ST6GALNAC3: variants seen among roughly 807,000 people sequenced by gnomAD.
ST6GALNAC3 encodes the protein ST6 N-acetylgalactosaminide alpha-2,6-sialyltransferase 3.
A neutral mutation model predicts 32.7 loss-of-function variants in ST6GALNAC3; 25 were observed. The ratio of observed to expected loss-of-function variants is 0.76; its 90% CI spans 0.56 to 1.07. The LOEUF is 1.07. Ranked by LOEUF, ST6GALNAC3 falls within the 50% of genes least tolerant of loss-of-function variation. ST6GALNAC3 has a pLI of 0.00. For missense variants in ST6GALNAC3, 355 were observed against 382.4 expected (o/e 0.93, Z 0.60); for synonymous variants, 129 against 133.1 (o/e 0.97, Z 0.21).
intron 3 of ST6GALNAC3, among the ~76,000 whole-genome samples, chr1:76,418,354 G>T (rs528074297): frequency 1.3e-5 from 2 of 152,176 alleles, no homozygotes; most frequent in East Asian, 3.9e-4. Context: ...CAAGGAAGCC[G>T]CCTTAACACA....
At chr1:76,083,803 G>A (rs987355856) in intron 1 of ST6GALNAC3, among the ~76,000 whole-genome samples, 2 of 151,918 alleles carry the variant, frequency 1.3e-5, no homozygotes, top group East Asian at 1.9e-4. Flanking sequence ...TTAAAACTCG[G>A]TGTACGTTTT....
chr1:76,614,491 G>A (rs1471905349), intron 3 of ST6GALNAC3, among the ~76,000 whole-genome samples: 1 of 151,830 alleles, frequency 6.6e-6, no homozygotes, highest in African/African-American at 2.4e-5. Flanking sequence ...AGGCCGAGGC[G>A]GGCAGATCAC....
chr1:76,157,665 T>C (rs1651544688), intron 1 of ST6GALNAC3, among the ~76,000 whole-genome samples: 1 of 152,208 alleles, frequency 6.6e-6, no homozygotes, highest in East Asian at 1.9e-4. Context: ...TTTTAAAGTT[T>C]ATATATGTTA....
chr1:76,439,172 C>G (rs908183422), intron 3 of ST6GALNAC3, among the ~76,000 whole-genome samples: 3 of 152,120 alleles, frequency 2.0e-5, no homozygotes, highest in Admixed American at 2.0e-4. Context: ...GACTCTCTAC[C>G]TAAACTGTTG....
intron 2 of ST6GALNAC3, among the ~76,000 whole-genome samples, chr1:76,348,924 A>G (rs533143792): frequency 2.4e-4 from 36 of 152,304 alleles, no homozygotes; most frequent in Middle Eastern, 3.4e-3. Context: ...CTCATAGTAC[A>G]TACTCAGTAA....
At chr1:76,112,549 C>T (rs1351841328) in intron 1 of ST6GALNAC3, among the ~76,000 whole-genome samples, 1 of 151,516 alleles carries the variant, frequency 6.6e-6, no homozygotes, top group East Asian at 2.0e-4. Flanking sequence ...GACGGGGTGG[C>T]TGCCGGGCGG....
intron 3 of ST6GALNAC3, among the ~76,000 whole-genome samples, chr1:76,626,612 T>TTCC (rs908357035): frequency 4.6e-5 from 7 of 152,052 alleles, no homozygotes; most frequent in African/African-American, 1.4e-4. Context: ...GTCCTTGCCC[T>TTCC]TCCCTCTTCC....
At chr1:76,249,750 G>A (rs899179956) in intron 1 of ST6GALNAC3, among the ~76,000 whole-genome samples, 3 of 152,146 alleles carry the variant, frequency 2.0e-5, no homozygotes, top group South Asian at 2.1e-4. Flanking sequence ...ACAATTTCTC[G>A]ACAGCCTTGT....
In ST6GALNAC3 at chr1:76,630,536, CA is replaced by C. The variant is rs887617957; in HGVS notation, c.*1734del. On this transcript the variant is annotated 3_prime_UTR_variant, in exon 5 of 5. Coordinates refer to ENST00000328299, the MANE Select transcript of ST6GALNAC3 (RefSeq NM_152996.4). ...CATCCTTGCAGAATGATTCAAAAGA[CA>C]AAAGCCAGGCTCAACTTATAGAATG... 36 of 985,092 alleles carry C rather than the reference CA, an allele frequency of 3.7e-5. No individual in the cohort carries two copies. In the African/African-American group the frequency reaches 6.1e-4, roughly 17 times the overall value. 61.0% of individuals were successfully genotyped at this position (985,092 alleles called of 1,614,324 possible). A position where few individuals can be genotyped will look rare whatever the true frequency, so the allele number is the denominator to read the frequency against.
chr1:76,229,981 A>G (rs1656280756), intron 1 of ST6GALNAC3, among the ~76,000 whole-genome samples: 1 of 152,326 alleles, frequency 6.6e-6, no homozygotes, highest in African/African-American at 2.4e-5. Context: ...TTCAAACATT[A>G]TCCTCAAAAG....
chr1:76,142,560 C>T (rs1650397405), intron 1 of ST6GALNAC3, among the ~76,000 whole-genome samples: 1 of 152,168 alleles, frequency 6.6e-6, no homozygotes, highest in East Asian at 1.9e-4. Flanking sequence ...CAGTGTGGCT[C>T]CTGACTGGGC....
chr1:76,327,335 T>G (rs970611216), intron 2 of ST6GALNAC3, among the ~76,000 whole-genome samples: 1 of 150,190 alleles, frequency 6.7e-6, no homozygotes, highest in Non-Finnish European at 1.5e-5. Flanking sequence ...TAGAGAGAGA[T>G]ATTGAGAAGG....
At chr1:76,534,753 T>G (rs543341027) in intron 3 of ST6GALNAC3, among the ~76,000 whole-genome samples, 1 of 152,336 alleles carries the variant, frequency 6.6e-6, no homozygotes, top group East Asian at 1.9e-4. Context: ...TTCATAACCA[T>G]ATCTCCAGTG....
At chr1:76,478,919 C>G (rs543755262) in intron 3 of ST6GALNAC3, among the ~76,000 whole-genome samples, 1 of 151,708 alleles carries the variant, frequency 6.6e-6, no homozygotes, top group African/African-American at 2.4e-5. Context: ...CCCGCCACCA[C>G]GCCCGGCTAA....
At chr1:76,474,971 C>G (rs1659255049) in intron 3 of ST6GALNAC3, among the ~76,000 whole-genome samples, 1 of 152,088 alleles carries the variant, frequency 6.6e-6, no homozygotes, top group Non-Finnish European at 1.5e-5. Context: ...AATAAGAAAC[C>G]CTAACCTCAG....
intron 3 of ST6GALNAC3, among the ~76,000 whole-genome samples, chr1:76,448,237 C>T (rs902014961): frequency 2.0e-4 from 31 of 152,120 alleles, no homozygotes; most frequent in Non-Finnish European, 4.0e-4. Context: ...TTCCATGGGG[C>T]CTTTAGCACC....
At chr1:76,298,852 G>T (rs934857902) in intron 1 of ST6GALNAC3, among the ~76,000 whole-genome samples, 8 of 151,972 alleles carry the variant, frequency 5.3e-5, no homozygotes, top group Non-Finnish European at 1.0e-4. Context: ...TGGGAAAAAA[G>T]AATCACAATC....
chr1:76,400,266 G>T (rs1653302364), intron 2 of ST6GALNAC3, among the ~76,000 whole-genome samples: 1 of 152,060 alleles, frequency 6.6e-6, no homozygotes. Flanking sequence ...AAATCCTTTT[G>T]CTGCATCTGT....
At chr1:76,549,764 G>T (rs541392317) in intron 3 of ST6GALNAC3, among the ~76,000 whole-genome samples, 36 of 152,048 alleles carry the variant, frequency 2.4e-4, no homozygotes, top group Non-Finnish European at 2.9e-5. Flanking sequence ...TCTTTGATTC[G>T]GCCAAAGTGT....
Sources: gnomAD v4.1 joint callset for allele counts (sites outside exome capture counted in the v4.1 genomes callset) on GRCh38, gnomAD v4.1.1 for gene constraint, MANE v1.5 for transcripts, NCBI Gene and HGNC (gene_info 2026-07-23, HGNC 2026-07-21) for gene names.